Variants in USP47 observed in about 807,000 individuals in gnomAD.
The protein encoded by USP47 is ubiquitin specific peptidase 47.
In USP47, 35 loss-of-function variants were observed where a neutral mutation model predicts 165.1. The ratio of observed to expected loss-of-function variants is 0.21; its 90% CI spans 0.16 to 0.28. USP47 has a LOEUF of 0.28. USP47 is among the 10% of genes least tolerant of loss of function. The probability of loss-of-function intolerance (pLI) is 1.00; values close to 1 mark genes in which losing one functional copy is unlikely to be tolerated. For synonymous variants in USP47, 531 were observed against 544.5 expected, an observed-to-expected ratio of 0.98 and a Z score of 0.35; for missense variants, 1,277 against 1,607.4, an observed-to-expected ratio of 0.79 and a Z score of 3.52.
intron 19 of USP47, among the ~76,000 whole-genome samples, chr11:11,941,620 C>A (rs769506015): frequency 3.9e-5 from 6 of 152,038 alleles, no homozygotes; most frequent in Non-Finnish European, 5.9e-5. Flanking sequence ...ATTTAACCAC[C>A]TACTTCGCCC....
intron 24 of USP47, chr11:11,952,088 C>G (rs1425846602): frequency 6.6e-6 from 1 of 152,190 alleles, no homozygotes; most frequent in Non-Finnish European, 1.5e-5. Context: ...CCAGACACTG[C>G]TAATCCCTTG....
chr11:11,924,904 TC>T (rs1196107349), intron 11 of USP47, among the ~76,000 whole-genome samples: 1 of 152,170 alleles, frequency 6.6e-6, no homozygotes, highest in African/African-American at 2.4e-5. Context: ...GTTTTTTTCT[TC>T]CAAAGGACCA....
chr11:11,866,312 G>T (rs1307261143), intron 1 of USP47, among the ~76,000 whole-genome samples: 1 of 152,150 alleles, frequency 6.6e-6, no homozygotes, highest in Non-Finnish European at 1.5e-5. Context: ...AAGGGGTGGT[G>T]GTCAGGATAA....
chr11:11,858,018 G>A (rs1849155695), intron 1 of USP47, among the ~76,000 whole-genome samples: 1 of 152,092 alleles, frequency 6.6e-6, no homozygotes, highest in South Asian at 2.1e-4. Context: ...ATTTACATGA[G>A]GTGAATACCA....
chr11:11,938,425 A>G, intron 18 of USP47, 53 bp downstream of exon 18: 2 of 1,326,066 alleles, frequency 1.5e-6, no homozygotes, highest in Non-Finnish European at 2.2e-6. Context: ...GCTATGTACA[A>G]GACACACTAT....
Position 11,956,511 on chromosome 11 carries a change from A to G in USP47, c.*336A>G, listed in dbSNP as rs1856570751. ...GCGGACAAATGTGCACATAGCCGCT[A>G]GTAAAACTAGCCTCAAACAGGATGC... On this transcript the variant is annotated 3_prime_UTR_variant, in exon 28 of 28. Transcript: ENST00000527733. 2 of 186,916 alleles carry G rather than the reference A, an allele frequency of 1.1e-5. No homozygotes were observed. The highest frequency in any genetic ancestry group is 2.2e-5 in the Non-Finnish European group (2 of 90,160). 11.6% of individuals were successfully genotyped at this position (186,916 alleles called of 1,614,324 possible).
rs574104804 is a variant in USP47, at chr11:11,921,435, C to CT, written c.1218+943dup. On this transcript the variant is annotated intron_variant, in intron 10 of 27. Transcript: ENST00000527733. Reference sequence around the variant, plus strand: ...GTGGATTCAAATTCTTGTCCTGCTACTTGCTAGCCTCTTGACCTTGGATAA... The same window carrying CT: ...GTGGATTCAAATTCTTGTCCTGCTACTTTGCTAGCCTCTTGACCTTGGATAA... 5.1e-3 allele frequency among the ~76,000 whole-genome samples: 780 copies of CT among 151,966 alleles called. 10 individuals carry two copies. The highest frequency in any genetic ancestry group is 0.018 in the African/African-American group (750 of 41,532).
At chr11:11,948,428 T>G (rs1326660075) in intron 21 of USP47, 50 bp from the exon 22 acceptor site, 2 of 1,482,978 alleles carry the variant, frequency 1.3e-6, no homozygotes, top group Middle Eastern at 1.7e-4. Flanking sequence ...GAGAATGGGT[T>G]GTTTATTCTG....
intron 11 of USP47, among the ~76,000 whole-genome samples, chr11:11,926,438 ATTTC>A (rs1294850075): frequency 2.0e-5 from 3 of 151,922 alleles, no homozygotes; most frequent in Admixed American, 6.6e-5. Flanking sequence ...AAATTTATCC[ATTTC>A]TTCTAGGGTA....
At chr11:11,867,804 G>A (rs1590256454) in intron 1 of USP47, among the ~76,000 whole-genome samples, 1 of 152,244 alleles carries the variant, frequency 6.6e-6, no homozygotes, top group East Asian at 1.9e-4. Flanking sequence ...CTTCCAGGAA[G>A]AATTTGTGAT....
At chr11:11,905,010 A>C (rs1326837149) in intron 7 of USP47, among the ~76,000 whole-genome samples, 3 of 152,024 alleles carry the variant, frequency 2.0e-5, no homozygotes, top group African/African-American at 7.2e-5. Context: ...AACATGCTTA[A>C]AGTGATAGGT....
chr11:11,891,691 G>A (rs965838586), intron 3 of USP47, among the ~76,000 whole-genome samples: 2 of 152,166 alleles, frequency 1.3e-5, no homozygotes, highest in African/African-American at 2.4e-5. Flanking sequence ...TCCCCTATGT[G>A]CTAGGCCTAC....
At position 11,936,495 on chromosome 11, in the gene USP47, T is replaced by C; in HGVS notation, c.2062T>C (p.Ser688Pro). 6.3e-7 allele frequency: 1 copy of C among 1,587,624 alleles called. No homozygotes were observed. Among genetic ancestry groups the C allele is most frequent in the Non-Finnish European group, 8.6e-7 (1 of 1,162,738 alleles). Residue 688 changes from serine (S) to proline (P), a missense_variant, in exon 17 of 28, where the codon TCT (serine) becomes CCT (proline). Coordinates refer to ENST00000527733, the MANE Select transcript of USP47 (RefSeq NM_001282659.2). ...GAGAAAGCCTGATCAGGTTTTCCAA[T>C]CTTATAAACCTGGAGGTGAGCAATT... ...ETRKPDQVFQ[S>P]YKPGEVMVKV... is the part of the protein sequence containing the mutation.
rs757353993 is a variant in USP47, at chr11:11,956,035, G to A, written c.3928G>A (p.Glu1310Lys). ...AGAAGAATTAATGGAATTGACAGATGAGCAAAGAAATGAACTGATGAAAAA... is the reference window on the plus strand; with the variant it reads ...AGAAGAATTAATGGAATTGACAGATAAGCAAAGAAATGAACTGATGAAAAA... ...KTEELMELTD[E>K]QRNELMKKES... Residue 1310 changes from glutamate (E) to lysine (K), a missense_variant, in exon 28 of 28, where the codon GAG becomes AAG. Physicochemically the swap from Glu to Lys is moderately conservative, Grantham distance 56. Coordinates refer to ENST00000527733, the MANE Select transcript of USP47 (RefSeq NM_001282659.2). 1 of 1,589,054 alleles carries A rather than the reference G, an allele frequency of 6.3e-7. No individual in the cohort carries two copies. The highest frequency in any genetic ancestry group is 8.5e-7 in the Non-Finnish European group (1 of 1,171,932).
At chr11:11,876,826 G>A (rs1850451664) in intron 1 of USP47, among the ~76,000 whole-genome samples, 1 of 152,064 alleles carries the variant, frequency 6.6e-6, no homozygotes, top group Admixed American at 6.6e-5. Context: ...GTTTCTTAAG[G>A]CTCTGCCTTA....
intron 1 of USP47, among the ~76,000 whole-genome samples, 187 bp from the exon 2 acceptor site, chr11:11,879,990 T>C (rs1850725965): frequency 6.6e-6 from 1 of 152,072 alleles, no homozygotes; most frequent in Admixed American, 6.6e-5. Context: ...ACATATACGG[T>C]GCTTATATGT....
In USP47 at chr11:11,938,371, A is replaced by G; in HGVS notation, c.2192A>G (p.Lys731Arg). Residue 731 changes from lysine (K) to arginine (R), a missense_variant and splice_region_variant, in exon 18 of 28, where the codon AAG becomes AGG. Physicochemically the swap from Lys to Arg is conservative, Grantham distance 26. Transcript: ENST00000527733. ...ACAGAATTCAAACAACTGATTTCAAAGGTAAGTTTTAAAAGGGGTCTGTAA... is the reference window on the plus strand; with the variant it reads ...ACAGAATTCAAACAACTGATTTCAAGGGTAAGTTTTAAAAGGGGTCTGTAA... Reference protein sequence around the residue: ...TVTEFKQLISKAIHLPAETMR... With the variant: ...TVTEFKQLISRAIHLPAETMR... 1 of 1,611,116 alleles carries G rather than the reference A, an allele frequency of 6.2e-7. No individual in the cohort carries two copies. The highest frequency in any genetic ancestry group is 2.2e-5 in the East Asian group (1 of 44,738).
chr11:11,903,444 G>T, intron 7 of USP47, 102 bp downstream of exon 7: 1 of 1,080,848 alleles, frequency 9.3e-7, no homozygotes, highest in Non-Finnish European at 1.3e-6. Flanking sequence ...TTGGGCATTA[G>T]TCTCATGGTT....
Position 11,933,262 on chromosome 11 carries a change from G to A in USP47, c.1764+146G>A, listed in dbSNP as rs1854810903. On this transcript the variant is annotated intron_variant, in intron 15 of 27. Coordinates refer to ENST00000527733, the MANE Select transcript of USP47 (RefSeq NM_001282659.2). Reference sequence around the variant, plus strand: ...CAGTGTAACCAACTATACTATAAAGGTAAAATTTGATTTGATTTGATGTGT... The same window carrying A: ...CAGTGTAACCAACTATACTATAAAGATAAAATTTGATTTGATTTGATGTGT... The A allele has an allele frequency of 4.1e-6, 3 of 732,572 alleles. No individual in the cohort carries two copies. In the South Asian group the frequency reaches 5.8e-5, roughly 14 times the overall value. The allele number at this position is 732,572 out of a possible 1,614,324, so 45.4% of individuals were successfully genotyped here. A position where few individuals can be genotyped will look rare whatever the true frequency, so the allele number is the denominator to read the frequency against.
Sources: gnomAD v4.1 joint callset for allele counts (sites outside exome capture counted in the v4.1 genomes callset) on GRCh38, gnomAD v4.1.1 for gene constraint, MANE v1.5 for transcripts, NCBI Gene and HGNC (gene_info 2026-07-23, HGNC 2026-07-21) for gene names.